The following LRRC42 variants were observed in gnomAD, a reference collection of about 807,000 sequenced individuals.
LRRC42 encodes the protein leucine rich repeat containing 42, also known as leucine-rich repeat-containing protein 42.
LRRC42 carries 43 observed loss-of-function variants against 44.3 expected under a neutral mutation model. The ratio of observed to expected loss-of-function variants is 0.97; its 90% CI spans 0.76 to 1.25. LRRC42 has a LOEUF of 1.25. LRRC42 is among the 50% of genes most tolerant of loss of function. The probability of loss-of-function intolerance (pLI) is 0.00; values close to 1 mark genes in which losing one functional copy is unlikely to be tolerated. For missense variants in LRRC42, 540 were observed against 509.1 expected (o/e 1.06, Z -0.58); for synonymous variants, 207 against 195.2 (o/e 1.06, Z -0.50).
intron 4 of LRRC42, among the ~76,000 whole-genome samples, chr1:53,959,040 C>T (rs774068149): frequency 4.6e-5 from 7 of 152,242 alleles, no homozygotes; most frequent in Admixed American, 1.3e-4. Flanking sequence ...CCCCCCACCA[C>T]GCCGGCTAAT....
chr1:53,953,770 T>C (rs1569828410), intron 3 of LRRC42, among the ~76,000 whole-genome samples: 1 of 152,024 alleles, frequency 6.6e-6, no homozygotes, highest in East Asian at 1.9e-4. Context: ...TTTTCCTCGT[T>C]TCCCAGGCTG....
intron 3 of LRRC42, among the ~76,000 whole-genome samples, chr1:53,956,616 AC>A (rs1297595313): frequency 6.6e-6 from 1 of 152,062 alleles, no homozygotes; most frequent in Admixed American, 6.6e-5. Flanking sequence ...ACTGTTCCGA[AC>A]CCTTTAAGGG....
chr1:53,955,354 T>C (rs984632354), intron 3 of LRRC42, among the ~76,000 whole-genome samples: 1 of 152,156 alleles, frequency 6.6e-6, no homozygotes, highest in African/African-American at 2.4e-5. Flanking sequence ...TTGAGTGCAG[T>C]GGCGTGATCT....
chr1:53,966,369 C>G lies in LRRC42; in HGVS notation c.1001C>G (p.Ala334Gly), dbSNP rs755894479. The G allele has an allele frequency of 2.8e-5, 45 of 1,612,976 alleles. No individual in the cohort carries two copies. Among genetic ancestry groups the G allele is most frequent in the Non-Finnish European group, 3.5e-5 (41 of 1,179,074 alleles). The change falls in exon 8 of 9, where the codon GCT becomes GGT. Residue 334 changes from alanine to glycine, a missense_variant. Transcript: ENST00000371370. The stretch of plus-strand genomic sequence containing the variant: ...GAGACCTCGGAGCCTAGAGCAGCAG[C>G]TCAGCGCTTCTGTGAGAAATTCCCT... ...PRETSEPRAA[A>G]QRFYGKRSRA... is the part of the protein sequence containing the mutation.
chr1:53,963,949 C>A (rs1655060753), intron 7 of LRRC42, among the ~76,000 whole-genome samples: 3 of 100,598 alleles, frequency 3.0e-5, no homozygotes, highest in African/African-American at 1.5e-4. Context: ...TCCTGCCCAC[C>A]CCCCCCCCAT....
intron 5 of LRRC42, among the ~76,000 whole-genome samples, chr1:53,961,693 A>C (rs1457570838): frequency 6.6e-6 from 1 of 152,230 alleles, no homozygotes; most frequent in East Asian, 1.9e-4. Flanking sequence ...AATGGCCATG[A>C]ATAAAGTATG....
At chr1:53,962,442 C>G (rs761164145) in intron 7 of LRRC42, 33 bp downstream of exon 7, 2 of 1,302,118 alleles carry the variant, frequency 1.5e-6, no homozygotes, top group South Asian at 1.2e-5. Context: ...GCGGTTGATG[C>G]AGCTTTTCAT....
chr1:53,965,688 G>A (rs958191223), intron 7 of LRRC42, among the ~76,000 whole-genome samples: 1 of 151,668 alleles, frequency 6.6e-6, no homozygotes, highest in African/African-American at 2.4e-5. Context: ...TGTTAGCCAG[G>A]ATGGTCTCGA....
chr1:53,965,974 T>G (rs916461978), intron 7 of LRRC42, among the ~76,000 whole-genome samples: 1 of 152,198 alleles, frequency 6.6e-6, no homozygotes, highest in Non-Finnish European at 1.5e-5. Context: ...ACTAAAGTTT[T>G]AAGTTTTAGT....
At chr1:53,964,588 C>G (rs1655078153) in intron 7 of LRRC42, among the ~76,000 whole-genome samples, 1 of 152,214 alleles carries the variant, frequency 6.6e-6, no homozygotes, top group African/African-American at 2.4e-5. Flanking sequence ...TTCTATTAAT[C>G]CATCCTGGTG....
At position 53,968,153 on chromosome 1, in the gene LRRC42, T is replaced by G; in HGVS notation, c.*214T>G. On this transcript the variant is annotated 3_prime_UTR_variant, in exon 9 of 9. Coordinates refer to ENST00000371370, the MANE Select transcript of LRRC42 (RefSeq NM_001256409.2). ...ACATAGTAATTTTTTCAAATAAACA[T>G]TTTTGCTGTCCTTAAGTTCTGCTTG... 2.0e-6 allele frequency: 1 copy of G among 509,398 alleles called. No homozygotes were observed. Among genetic ancestry groups the G allele is most frequent in the South Asian group, 2.5e-5 (1 of 40,032 alleles). 31.6% of individuals were successfully genotyped at this position (509,398 alleles called of 1,614,324 possible).
chr1:53,947,734 C>CT (rs937507707), intron 1 of LRRC42, 54 bp from the exon 2 acceptor site: 6 of 152,238 alleles, frequency 3.9e-5, no homozygotes, highest in African/African-American at 1.4e-4. Flanking sequence ...CAGATGTGCA[C>CT]TGTTTTTTTG....
Position 53,960,811 on chromosome 1 carries a change from G to A in LRRC42, c.724+337G>A, listed in dbSNP as rs75653780. Among the ~76,000 whole-genome samples the A allele has an allele frequency of 9.3e-3, 1,421 of 152,302 alleles. 29 individuals are homozygous for A. The highest frequency in any genetic ancestry group is 0.033 in the African/African-American group (1,355 of 41,572). On this transcript the variant is annotated intron_variant, in intron 5 of 8. Transcript: ENST00000371370. ...TTTCCTTGAGTCTCTGATCCTTGGTGTCTGTCAGCTAGGTCCTTTTTTATC... is the reference window on the plus strand; with the variant it reads ...TTTCCTTGAGTCTCTGATCCTTGGTATCTGTCAGCTAGGTCCTTTTTTATC...
At position 53,946,356 on chromosome 1, in the gene LRRC42, G is replaced by A. The variant is rs1324145058; in HGVS notation, c.-242G>A. The stretch of plus-strand genomic sequence containing the variant: ...ACGCGCGCCTCCCCGGCCCAGCCTT[G>A]CTCCCGCCCCCGCCGGTCCCGCGGT... On this transcript the variant is annotated 5_prime_UTR_variant, in exon 1 of 9. Transcript: ENST00000371370. 6.6e-6 allele frequency: 1 copy of A among 152,084 alleles called. No homozygotes were observed. Among genetic ancestry groups the A allele is most frequent in the East Asian group, 1.9e-4 (1 of 5,146 alleles). 9.4% of individuals were successfully genotyped at this position (152,084 alleles called of 1,614,324 possible).
chr1:53,966,435 C>G, intron 8 of LRRC42, 55 bp downstream of exon 8: 1 of 1,259,126 alleles, frequency 7.9e-7, no homozygotes, highest in South Asian at 1.2e-5. Flanking sequence ...ATCCTTAAAG[C>G]AGTTCGCTTG....
At chr1:53,957,133 C>T (rs1208922397) in intron 3 of LRRC42, among the ~76,000 whole-genome samples, 1 of 152,158 alleles carries the variant, frequency 6.6e-6, no homozygotes, top group African/African-American at 2.4e-5. Flanking sequence ...TCCTCTCTTG[C>T]CCTCTGATTA....
chr1:53,962,050 A>T lies in LRRC42; in HGVS notation c.741A>T (p.Thr247=). 1 of 1,613,494 alleles carries T rather than the reference A, an allele frequency of 6.2e-7. No individual in the cohort carries two copies. The highest frequency in any genetic ancestry group is 8.5e-7 in the Non-Finnish European group (1 of 1,179,434). ...LLDLSCNPEI[T]DAGIGYLFSF... ...GACATCTAGGTAACCCTGAGATCAC[A>T]GATGCAGGCATTGGATACCTCTTTT... Residue 247 remains threonine, a synonymous_variant, in exon 6 of 9, where the codon ACA becomes ACT. Coordinates refer to ENST00000371370, the MANE Select transcript of LRRC42 (RefSeq NM_001256409.2).
chr1:53,962,041 T>G lies in LRRC42; in HGVS notation c.732T>G (p.Pro244=), dbSNP rs748799508. ...NLTLLDLSCN[P]EITDAGIGYL... ...GTTGTTTTTGACATCTAGGTAACCCTGAGATCACAGATGCAGGCATTGGAT... is the reference window on the plus strand; with the variant it reads ...GTTGTTTTTGACATCTAGGTAACCCGGAGATCACAGATGCAGGCATTGGAT... The change falls in exon 6 of 9, where the codon CCT becomes CCG. Residue 244 remains proline, a synonymous_variant. Coordinates refer to ENST00000371370, the MANE Select transcript of LRRC42 (RefSeq NM_001256409.2). The G allele has an allele frequency of 9.3e-6, 15 of 1,611,202 alleles. No homozygotes were observed. In the East Asian group the frequency reaches 3.1e-4, roughly 34 times the overall value.
chr1:53,959,567 T>C (rs528225109), intron 4 of LRRC42, among the ~76,000 whole-genome samples: 42 of 152,332 alleles, frequency 2.8e-4, no homozygotes, highest in African/African-American at 9.9e-4. Flanking sequence ...ACGGAGCATA[T>C]TAATATACCA....
Sources: gnomAD v4.1 joint callset for allele counts (sites outside exome capture counted in the v4.1 genomes callset) on GRCh38, gnomAD v4.1.1 for gene constraint, MANE v1.5 for transcripts, NCBI Gene and HGNC (gene_info 2026-07-23, HGNC 2026-07-21) for gene names.